KLHL10: variants seen among roughly 807,000 people sequenced by gnomAD.
KLHL10 encodes kelch like family member 10.
KLHL10 carries 11 observed loss-of-function variants against 46.6 expected under a neutral mutation model. The ratio of observed to expected loss-of-function variants is 0.24; its 90% CI spans 0.15 to 0.39. KLHL10 has a LOEUF of 0.39. Among genes scored for constraint, KLHL10 ranks in the 10% least tolerant of loss-of-function variants. KLHL10 has a pLI of 1.00. For synonymous variants in KLHL10, 254 were observed against 279.1 expected (o/e 0.91, Z 0.90); for missense variants, 475 against 789.8 (o/e 0.60, Z 4.78).
At chr17:41,836,111 TG>T (rs2048153013), upstream of KLHL10, 4 of 1,332,164 alleles carry the variant, frequency 3.0e-6, no homozygotes, top group Non-Finnish European at 3.8e-6. Flanking sequence ...GGTGACCAGC[TG>T]GGGGGCTCGA....
upstream of KLHL10, chr17:41,836,226 C>T (rs936141085): frequency 2.4e-6 from 3 of 1,235,642 alleles, no homozygotes; most frequent in Non-Finnish European, 3.0e-6. Flanking sequence ...GCTCGCGGGA[C>T]AACGACAGCC....
chr17:41,841,771 C>A (rs782079064), intron 1 of KLHL10, 52 bp from the exon 2 acceptor site: 8 of 1,612,352 alleles, frequency 5.0e-6, no homozygotes. Flanking sequence ...AATGTACTCA[C>A]CTAACAGGAG....
chr17:41,845,316 T>C lies in KLHL10; in HGVS notation c.875T>C (p.Ile292Thr), dbSNP rs1220613727. Residue 292 changes from isoleucine (I) to threonine (T), a missense_variant, in exon 3 of 5, where the codon ATC (isoleucine) becomes ACC (threonine). By Grantham distance (89) the Ile-to-Thr change is moderately conservative. Transcript: ENST00000293303. ...PLTRPRLPYA[I>T]LFAIGGWSGG... is the part of the protein sequence containing the mutation. ...ACCAGACCACGCTTGCCCTATGCCA[T>C]CCTCTTTGCAATTGGTGGCTGGAGT... 2 of 1,614,096 alleles carry C rather than the reference T, an allele frequency of 1.2e-6. No homozygotes were observed. The highest frequency in any genetic ancestry group is 1.7e-6 in the Non-Finnish European group (2 of 1,180,036).
At position 41,845,356 on chromosome 17, in the gene KLHL10, C is replaced by A; in HGVS notation, c.915C>A (p.Thr305=). The part of the protein sequence containing the change: ...AIGGWSGGSP[T]NAIEAYDARA... ...GTGGCTGGAGTGGTGGGAGCCCCAC[C>A]AATGCCATTGAGGCATATGACGCTC... The change falls in exon 3 of 5, where the codon ACC becomes ACA. Residue 305 remains threonine, a synonymous_variant. Transcript: ENST00000293303. 1.2e-6 allele frequency: 2 copies of A among 1,614,168 alleles called. No individual in the cohort carries two copies. Among genetic ancestry groups the A allele is most frequent in the Non-Finnish European group, 1.7e-6 (2 of 1,179,992 alleles).
chr17:41,836,492 C>T (rs1308447581), upstream of KLHL10: 3 of 976,120 alleles, frequency 3.1e-6, no homozygotes, highest in African/African-American at 5.3e-5. Context: ...AAAGCCTTGC[C>T]AAACGTGGTC....
intron 2 of KLHL10, 137 bp downstream of exon 2, chr17:41,842,449 G>A (rs1258684688): frequency 3.7e-6 from 4 of 1,082,976 alleles, no homozygotes; most frequent in South Asian, 1.4e-5. Context: ...TTTTGCAACT[G>A]TCTTTTCCCT....
chr17:41,839,239 C>G (rs2048203008), intron 1 of KLHL10, among the ~76,000 whole-genome samples: 1 of 152,200 alleles, frequency 6.6e-6, no homozygotes, highest in African/African-American at 2.4e-5. Flanking sequence ...ATCCACCCAC[C>G]TTGGTCTCCC....
intron 1 of KLHL10, among the ~76,000 whole-genome samples, chr17:41,841,302 G>C (rs1309081094): frequency 6.6e-6 from 1 of 152,042 alleles, no homozygotes; most frequent in Non-Finnish European, 1.5e-5. Flanking sequence ...AAGATAAAAA[G>C]CAGTGAGTGG....
chr17:41,839,654 C>T (rs1241347450), intron 1 of KLHL10, among the ~76,000 whole-genome samples: 17 of 152,206 alleles, frequency 1.1e-4, no homozygotes, highest in Admixed American at 1.1e-3. Context: ...TCAATGTGTC[C>T]TACCTGTTGC....
upstream of KLHL10, chr17:41,837,805 T>C (rs1256347670): frequency 3.9e-6 from 6 of 1,523,822 alleles, no homozygotes; most frequent in East Asian, 1.4e-4. Context: ...TTCTGGAACT[T>C]GGGTTGCCTG....
Position 41,842,017 on chromosome 17 carries a change from A to C in KLHL10, c.389A>C (p.Glu130Ala). ...NIMGIVRGCCEFLKSELCLDN... is the reference protein window; with the variant it reads ...NIMGIVRGCCAFLKSELCLDN... ...ATGGGTATCGTCAGGGGTTGCTGCG[A>C]GTTCCTCAAGTCAGAGCTGTGCTTG... The change falls in exon 2 of 5, where the codon GAG becomes GCG. Residue 130 changes from glutamate (E) to alanine (A), a missense_variant. Coordinates refer to ENST00000293303, the MANE Select transcript of KLHL10 (RefSeq NM_152467.5). The C allele has an allele frequency of 6.2e-7, 1 of 1,614,124 alleles. No homozygotes were observed. Among genetic ancestry groups the C allele is most frequent in the Non-Finnish European group, 8.5e-7 (1 of 1,180,038 alleles).
upstream of KLHL10, chr17:41,837,794 A>G (rs1261201790): frequency 2.7e-6 from 4 of 1,505,412 alleles, no homozygotes; most frequent in East Asian, 9.5e-5. Flanking sequence ...CAGGGCCAGG[A>G]TTCTGGAACT....
rs560851514 is a variant in KLHL10, at chr17:41,842,201, G to A, written c.573G>A (p.Glu191=). 11 of 1,614,194 alleles carry A rather than the reference G, an allele frequency of 6.8e-6. No homozygotes were observed. Among genetic ancestry groups the A allele is most frequent in the African/African-American group, 4.0e-5 (3 of 75,058 alleles). Reference sequence around the variant, plus strand: ...TCACTGAACTTAAGGATATCATTGAGAAAGATGAGCTCAATGTCAAACAGG... The same window carrying A: ...TCACTGAACTTAAGGATATCATTGAAAAAGATGAGCTCAATGTCAAACAGG... ...LSVTELKDII[E]KDELNVKQED... is the part of the protein sequence containing the mutation. Residue 191 remains glutamate (E), a synonymous_variant, in exon 2 of 5, where the codon GAG becomes GAA. Transcript: ENST00000293303.
At chr17:41,841,786 A>G (rs2048228900) in intron 1 of KLHL10, 37 bp from the exon 2 acceptor site, 2 of 1,613,872 alleles carry the variant, frequency 1.2e-6, no homozygotes, top group South Asian at 2.2e-5. Flanking sequence ...CAGGAGAGAA[A>G]TGTTTCCGTG....
rs566393295 is a variant in KLHL10 at position 41,848,336 on chromosome 17, A to C, written c.*29A>C. 2 of 1,595,168 alleles carry C rather than the reference A, an allele frequency of 1.3e-6. No homozygotes were observed. Among genetic ancestry groups the C allele is most frequent in the African/African-American group, 2.7e-5 (2 of 74,592 alleles). On this transcript the variant is annotated 3_prime_UTR_variant, in exon 5 of 5. Coordinates refer to ENST00000293303, the MANE Select transcript of KLHL10 (RefSeq NM_152467.5). Reference sequence around the variant, plus strand: ...TCTTCATTTAGCTAATAAAAAGTCTAAGCAATAAGAATTAATTCTTTTTTT... The same window carrying C: ...TCTTCATTTAGCTAATAAAAAGTCTCAGCAATAAGAATTAATTCTTTTTTT...
chr17:41,845,403 T>C lies in KLHL10; in HGVS notation c.962T>C (p.Val321Ala). 1 of 1,614,196 alleles carries C rather than the reference T, an allele frequency of 6.2e-7. No homozygotes were observed. Among genetic ancestry groups the C allele is most frequent in the Non-Finnish European group, 8.5e-7 (1 of 1,180,028 alleles). The change falls in exon 3 of 5, where the codon GTT becomes GCT. Residue 321 changes from valine (V) to alanine (A), a missense_variant. Coordinates refer to ENST00000293303, the MANE Select transcript of KLHL10 (RefSeq NM_152467.5). ...YDARADRWVN[V>A]TCEEESPRAY... is the part of the protein sequence containing the mutation. ...GCTCGGGCAGACAGATGGGTGAATG[T>C]TACTTGTGAGGAAGAGAGTCCCCGT... is the stretch of plus-strand genomic sequence containing the variant.
chr17:41,844,174 C>T (rs1413824420), intron 2 of KLHL10, among the ~76,000 whole-genome samples: 1 of 152,060 alleles, frequency 6.6e-6, no homozygotes, highest in Non-Finnish European at 1.5e-5. Context: ...ATTCTCACAC[C>T]TTAGCCTCCA....
chr17:41,843,574 T>C (rs2048249665), intron 2 of KLHL10, among the ~76,000 whole-genome samples: 1 of 151,852 alleles, frequency 6.6e-6, no homozygotes. Flanking sequence ...CTAATAAGCG[T>C]TATTTTACAT....
chr17:41,841,989 A>G lies in KLHL10; in HGVS notation c.361A>G (p.Ile121Val), dbSNP rs1230073631. The G allele has an allele frequency of 3.0e-5, 48 of 1,614,074 alleles. No homozygotes were observed. Among genetic ancestry groups the G allele is most frequent in the Non-Finnish European group, 3.3e-5 (39 of 1,180,054 alleles). ...GCTTGCTGCTGCAGACCAGTTTAAC[A>G]TCATGGGTATCGTCAGGGGTTGCTG... The part of the protein sequence containing the change: ...KLLAAADQFN[I>V]MGIVRGCCEF... The change falls in exon 2 of 5, where the codon ATC becomes GTC. Residue 121 changes from isoleucine to valine, a missense_variant. Coordinates refer to ENST00000293303, the MANE Select transcript of KLHL10 (RefSeq NM_152467.5).
Sources: gnomAD v4.1 joint callset for allele counts (sites outside exome capture counted in the v4.1 genomes callset) on GRCh38, gnomAD v4.1.1 for gene constraint, MANE v1.5 for transcripts, NCBI Gene and HGNC (gene_info 2026-07-23, HGNC 2026-07-21) for gene names.